The following ARHGAP21 variants were observed in gnomAD, a reference collection of about 807,000 sequenced individuals.
ARHGAP21 encodes rho GTPase-activating protein 21.
ARHGAP21 carries 38 observed loss-of-function variants against 164.6 expected under a neutral mutation model. That is an observed-to-expected ratio of 0.23 (90% CI 0.18 to 0.30). The LOEUF (loss-of-function observed/expected upper bound fraction) is 0.30. Ranked by LOEUF, ARHGAP21 falls within the 10% of genes least tolerant of loss-of-function variation. ARHGAP21 has a pLI of 1.00. For synonymous variants in ARHGAP21, 766 were observed against 857.9 expected (o/e 0.89, Z 1.87); for missense variants, 1,822 against 2,370.7 (o/e 0.77, Z 4.81).
At chr10:24,656,192 C>A (rs1448967543) in intron 4 of ARHGAP21, among the ~76,000 whole-genome samples, 2 of 141,776 alleles carry the variant, frequency 1.4e-5, no homozygotes, top group Admixed American at 6.8e-5. Flanking sequence ...CCCGGCCAGC[C>A]GCCCCATCCG....
intron 7 of ARHGAP21, chr10:24,629,219 AGT>A (rs1404542814): frequency 6.6e-6 from 1 of 150,462 alleles, no homozygotes; most frequent in Admixed American, 6.7e-5. Flanking sequence ...TGGCCAGGCT[AGT>A]CTCGAACTCC....
Position 24,707,518 on chromosome 10 carries a change from A to T in ARHGAP21, c.63+14319T>A, listed in dbSNP as rs181228029. Among the ~76,000 whole-genome samples, 34 of 152,270 alleles carry T rather than the reference A, an allele frequency of 2.2e-4. No homozygotes were observed. In the East Asian group the frequency reaches 6.2e-3, roughly 28 times the overall value. ...CTCTTCAACACCACCCTTTCTCCCA[A>T]GCTCCAAATCTGCGTGACTAAACAC... On this transcript the variant is annotated intron_variant, in intron 2 of 25. Transcript: ENST00000396432.
intron 5 of ARHGAP21, among the ~76,000 whole-genome samples, chr10:24,633,883 CTTTTTTTTTTT>C (rs3073324): frequency 2.7e-4 from 20 of 75,456 alleles, no homozygotes; most frequent in Non-Finnish European, 7.3e-5. Context: ...CTTTTTTTCT[CTTTTTTTTTTT>C]TTTTTTTTTT....
In ARHGAP21 at chr10:24,587,094, AG is replaced by A. The variant is rs1302227195; in HGVS notation, c.4183-989del. On this transcript the variant is annotated intron_variant, in intron 25 of 25. Coordinates refer to ENST00000396432, the MANE Select transcript of ARHGAP21 (RefSeq NM_020824.4). ...ATAAGTACAATTAAATCCTTACCACAGAAACACTGTAGTGCAGTGTTATTGG... is the reference window on the plus strand; with the variant it reads ...ATAAGTACAATTAAATCCTTACCACAAAACACTGTAGTGCAGTGTTATTGG... 1.3e-5 allele frequency among the ~76,000 whole-genome samples: 2 copies of A among 152,314 alleles called. 1 individual carries two copies. The highest frequency in any genetic ancestry group is 2.9e-5 in the Non-Finnish European group (2 of 68,034).
chr10:24,610,152 G>C (rs554359311), intron 9 of ARHGAP21, among the ~76,000 whole-genome samples: 2 of 152,248 alleles, frequency 1.3e-5, no homozygotes, highest in East Asian at 3.9e-4. Flanking sequence ...CAAGACGGGT[G>C]GATCACCTGA....
rs1006788950 is a variant in ARHGAP21, at chr10:24,604,369, A to G, written c.2685-21T>C. ...AGGACCTGTTGGGGAAAAAATATAT[A>G]AATATTTTCAATTAGTGCAAAAAAA... On this transcript the variant is annotated intron_variant, in intron 11 of 25. Coordinates refer to ENST00000396432, the MANE Select transcript of ARHGAP21 (RefSeq NM_020824.4). 6 of 1,551,660 alleles carry G rather than the reference A, an allele frequency of 3.9e-6. No individual in the cohort carries two copies. In the Admixed American group the frequency reaches 5.6e-5, roughly 14 times the overall value.
chr10:24,600,532 T>G, intron 14 of ARHGAP21, 114 bp downstream of exon 14: 1 of 1,306,314 alleles, frequency 7.7e-7, no homozygotes. Context: ...CTGTTTTACA[T>G]GAAAATAGCA....
chr10:24,641,001 A>T (rs1383904253), intron 4 of ARHGAP21, among the ~76,000 whole-genome samples: 2 of 152,172 alleles, frequency 1.3e-5, no homozygotes, highest in Non-Finnish European at 2.9e-5. Flanking sequence ...AAGAAAGGTT[A>T]TGAGGGGGTG....
At chr10:24,684,188 G>A (rs552810858) in intron 2 of ARHGAP21, among the ~76,000 whole-genome samples, 8 of 152,078 alleles carry the variant, frequency 5.3e-5, no homozygotes, top group South Asian at 2.1e-4. Context: ...TCAGGAGGCC[G>A]AGGTACAAGA....
chr10:24,683,492 G>T (rs1437219444), intron 2 of ARHGAP21, among the ~76,000 whole-genome samples: 1 of 151,364 alleles, frequency 6.6e-6, no homozygotes, highest in East Asian at 1.9e-4. Context: ...TCAAAGGTAA[G>T]TTTTTTGTTT....
At chr10:24,629,832 T>C (rs764473087) in intron 7 of ARHGAP21, 164 bp downstream of exon 7, 5 of 686,888 alleles carry the variant, frequency 7.3e-6, no homozygotes, top group Middle Eastern at 2.4e-4. Flanking sequence ...TTGGCAATGG[T>C]ATTTTTGTAA....
intron 2 of ARHGAP21, among the ~76,000 whole-genome samples, chr10:24,715,132 G>A (rs970602096): frequency 2.6e-5 from 4 of 152,058 alleles, no homozygotes; most frequent in African/African-American, 9.7e-5. Flanking sequence ...AGCAGTGTAG[G>A]TTTGCCACAA....
intron 4 of ARHGAP21, among the ~76,000 whole-genome samples, chr10:24,642,504 G>C (rs987084399): frequency 2.4e-5 from 3 of 124,456 alleles, no homozygotes; most frequent in African/African-American, 9.5e-5. Flanking sequence ...GACAGAGCGA[G>C]ACTCCGTCTC....
At chr10:24,671,611 T>C (rs1018732726) in intron 2 of ARHGAP21, among the ~76,000 whole-genome samples, 2 of 152,166 alleles carry the variant, frequency 1.3e-5, no homozygotes, top group African/African-American at 2.4e-5. Context: ...TATTCAAAGA[T>C]ACAGGTCCAA....
At chr10:24,676,767 G>T (rs1841292222) in intron 2 of ARHGAP21, among the ~76,000 whole-genome samples, 3 of 152,196 alleles carry the variant, frequency 2.0e-5, no homozygotes, top group Admixed American at 6.5e-5. Context: ...TTTGCTAGTT[G>T]CAGTATAGTG....
At chr10:24,691,307 T>C (rs950405444) in intron 2 of ARHGAP21, among the ~76,000 whole-genome samples, 5 of 152,196 alleles carry the variant, frequency 3.3e-5, no homozygotes, top group South Asian at 2.1e-4. Context: ...GCTGAGCTAA[T>C]AGCATCCACA....
At chr10:24,612,717 T>A (rs1300648234) in intron 9 of ARHGAP21, among the ~76,000 whole-genome samples, 1 of 151,960 alleles carries the variant, frequency 6.6e-6, no homozygotes, top group Non-Finnish European at 1.5e-5. Context: ...TAGCCAGGTG[T>A]GGTGGCGGAC....
At chr10:24,702,073 G>C (rs568736251) in intron 2 of ARHGAP21, among the ~76,000 whole-genome samples, 15 of 148,534 alleles carry the variant, frequency 1.0e-4, no homozygotes, top group Non-Finnish European at 2.1e-4. Flanking sequence ...ACACTGATTA[G>C]AACATTTGAA....
intron 6 of ARHGAP21, among the ~76,000 whole-genome samples, chr10:24,631,753 TG>T (rs922074463): frequency 6.6e-6 from 1 of 152,220 alleles, no homozygotes; most frequent in African/African-American, 2.4e-5. Flanking sequence ...GGTCTCACTC[TG>T]ACACTCAGGC....
Sources: gnomAD v4.1 joint callset for allele counts (sites outside exome capture counted in the v4.1 genomes callset) on GRCh38, gnomAD v4.1.1 for gene constraint, MANE v1.5 for transcripts, NCBI Gene and HGNC (gene_info 2026-07-23, HGNC 2026-07-21) for gene names.